The following SMC6 variants were observed in gnomAD, a reference collection of about 807,000 sequenced individuals.
The protein encoded by SMC6 is structural maintenance of chromosomes protein 6.
In SMC6, 79 loss-of-function variants were observed where a neutral mutation model predicts 142.2. The ratio of observed to expected loss-of-function variants is 0.56; its 90% CI spans 0.46 to 0.67. The LOEUF is 0.67. SMC6 is among the 30% of genes least tolerant of loss of function. The pLI is 0.00. For synonymous variants in SMC6, 411 were observed against 412.4 expected, an observed-to-expected ratio of 1.00 and a Z score of 0.04; for missense variants, 1,072 against 1,284.0, an observed-to-expected ratio of 0.83 and a Z score of 2.52.
intron 5 of SMC6, among the ~76,000 whole-genome samples, chr2:17,733,629 C>T (rs917466477): frequency 4.6e-5 from 7 of 152,278 alleles, no homozygotes; most frequent in Admixed American, 3.3e-4. Context: ...CAAATTAAGA[C>T]ATGATGAAGT....
At chr2:17,690,236 A>G (rs1479004742) in intron 23 of SMC6, among the ~76,000 whole-genome samples, 2 of 152,254 alleles carry the variant, frequency 1.3e-5, no homozygotes, top group Non-Finnish European at 2.9e-5. Context: ...CACTGAATAA[A>G]TTAACAATGA....
Position 17,725,852 on chromosome 2 carries a change from C to A in SMC6, c.625-494G>T, listed in dbSNP as rs76027619. Among the ~76,000 whole-genome samples the A allele has an allele frequency of 7.8e-3, 1,179 of 152,086 alleles. 16 individuals carry two copies. Among genetic ancestry groups the A allele is most frequent in the African/African-American group, 0.027 (1,113 of 41,462 alleles). Reference sequence around the variant, plus strand: ...CCGGTAATCCCAGCACTTTGGTAGGCCAAAGCAGGTGGATCACTTGAGGCC... The same window carrying A: ...CCGGTAATCCCAGCACTTTGGTAGGACAAAGCAGGTGGATCACTTGAGGCC... On this transcript the variant is annotated intron_variant, in intron 8 of 27. Coordinates refer to ENST00000448223, the MANE Select transcript of SMC6 (RefSeq NM_001142286.2).
At chr2:17,732,493 G>A (rs757689748) in intron 5 of SMC6, among the ~76,000 whole-genome samples, 6 of 152,120 alleles carry the variant, frequency 3.9e-5, no homozygotes, top group Non-Finnish European at 7.3e-5. Flanking sequence ...GAGGTCAGGA[G>A]TTCGACACCA....
chr2:17,751,807 G>T (rs918001423), intron 2 of SMC6, among the ~76,000 whole-genome samples: 3 of 152,138 alleles, frequency 2.0e-5, no homozygotes, highest in Admixed American at 1.3e-4. Context: ...AAGCTATCAC[G>T]GTAAAATTTT....
Position 17,708,701 on chromosome 2 carries a change from T to C in SMC6, c.1783A>G (p.Asn595Asp). The C allele has an allele frequency of 6.4e-7, 1 of 1,564,220 alleles. No individual in the cohort carries two copies. The change falls in exon 17 of 28, where the codon AAT becomes GAT. Residue 595 changes from asparagine to aspartate, a missense_variant. By Grantham distance (23) the Asn-to-Asp change is conservative (BLOSUM62 1). Around this residue, in one of 3 missense-constraint regions of SMC6, gnomAD observed 994 missense variants for 1,153.2 expected, o/e 0.86. Transcript: ENST00000448223. ...ATTAGGCTATTTGCCACAACCGCATTATCTATTTCTAAAGCTGTCAGAACT... is the reference window on the plus strand; with the variant it reads ...ATTAGGCTATTTGCCACAACCGCATCATCTATTTCTAAAGCTGTCAGAACT... ...PTVLTALEID[N>D]AVVANSLIDM...
intron 8 of SMC6, among the ~76,000 whole-genome samples, chr2:17,726,146 C>A (rs1669613030): frequency 7.6e-6 from 1 of 132,426 alleles, no homozygotes; most frequent in African/African-American, 2.9e-5. Context: ...GTAGGAGCAA[C>A]TGTTACCCTG....
At chr2:17,730,775 T>TA (rs1423817330) in intron 7 of SMC6, among the ~76,000 whole-genome samples, 72 of 151,480 alleles carry the variant, frequency 4.8e-4, no homozygotes, top group African/African-American at 1.3e-3. Flanking sequence ...GCTAATTTTT[T>TA]TTTTTTTTTT....
chr2:17,722,999 TAAAA>T lies in SMC6; in HGVS notation c.727-1742_727-1739del, dbSNP rs372729861. 2.2e-5 allele frequency among the ~76,000 whole-genome samples: 3 copies of T among 137,882 alleles called. No homozygotes were observed. The South Asian group carries it at 7.0e-4, about 32-fold the overall frequency. 90.5% of individuals were successfully genotyped at this position (137,882 alleles called of 152,430 possible). A position where few individuals can be genotyped will look rare whatever the true frequency, so the allele number is the denominator to read the frequency against. ...TGTTCAAAATATAATTCAGCTTTCT[TAAAA>T]AAAAAAAAAAGAAAAGAAAGGAAAA... On this transcript the variant is annotated intron_variant, in intron 9 of 27. Coordinates refer to ENST00000448223, the MANE Select transcript of SMC6 (RefSeq NM_001142286.2).
chr2:17,690,902 C>A (rs980766259), intron 23 of SMC6, among the ~76,000 whole-genome samples: 3 of 150,806 alleles, frequency 2.0e-5, no homozygotes, highest in Admixed American at 2.0e-4. Flanking sequence ...AATGGGAATG[C>A]AAAATTGGTA....
chr2:17,688,015 G>A (rs1340832426), intron 23 of SMC6, among the ~76,000 whole-genome samples: 1 of 151,994 alleles, frequency 6.6e-6, no homozygotes, highest in African/African-American at 2.4e-5. Flanking sequence ...AATTCCTCCT[G>A]TGGAGGAAAA....
chr2:17,729,953 C>T (rs1268916430), intron 7 of SMC6, among the ~76,000 whole-genome samples: 2 of 152,104 alleles, frequency 1.3e-5, no homozygotes, highest in Admixed American at 1.3e-4. Flanking sequence ...CTGTTCTAAA[C>T]CAAACTGGAA....
chr2:17,691,482 G>A (rs1213326389), intron 23 of SMC6, among the ~76,000 whole-genome samples: 1 of 151,456 alleles, frequency 6.6e-6, no homozygotes. Flanking sequence ...ACTCTCAATA[G>A]ACGCAGAAAA....
intron 3 of SMC6, among the ~76,000 whole-genome samples, chr2:17,744,306 C>T (rs1670626297): frequency 1.3e-5 from 2 of 152,030 alleles, no homozygotes; most frequent in African/African-American, 4.8e-5. Context: ...TAATTTGCAT[C>T]GTCCCAAAGT....
In SMC6 at chr2:17,741,606, A is replaced by G; in HGVS notation, c.238+6T>C. 1 of 1,578,184 alleles carries G rather than the reference A, an allele frequency of 6.3e-7. No individual in the cohort carries two copies. Among genetic ancestry groups the G allele is most frequent in the South Asian group, 1.1e-5 (1 of 87,142 alleles). On this transcript the variant is annotated splice_donor_region_variant and intron_variant, in intron 4 of 27. Transcript: ENST00000448223. The stretch of plus-strand genomic sequence containing the variant: ...AAAGTCAAACGAGAAGGGAAAAAAC[A>G]CTTACTTCCATTGTTGCCAACAACA...
At chr2:17,746,049 T>A in intron 2 of SMC6, 98 bp from the exon 3 acceptor site, 1 of 1,167,998 alleles carries the variant, frequency 8.6e-7, no homozygotes, top group Non-Finnish European at 1.1e-6. Context: ...CTTTAGGTAC[T>A]ATGTCCATCC....
intron 24 of SMC6, chr2:17,680,524 T>C (rs184325203): frequency 2.8e-4 from 43 of 152,306 alleles, no homozygotes; most frequent in African/African-American, 9.1e-4. Context: ...TCTTACAAAA[T>C]ATATTTCTCA....
At chr2:17,669,322 C>T (rs1666648110) in intron 26 of SMC6, among the ~76,000 whole-genome samples, 1 of 152,120 alleles carries the variant, frequency 6.6e-6, no homozygotes. Flanking sequence ...GGTAGTAGGG[C>T]ATCTGGGTCT....
chr2:17,682,861 A>G (rs1667293764), intron 24 of SMC6, among the ~76,000 whole-genome samples: 1 of 148,896 alleles, frequency 6.7e-6, no homozygotes, highest in African/African-American at 2.5e-5. Context: ...TAGTTTCACT[A>G]AGGAATATAA....
chr2:17,720,882 A>C, intron 11 of SMC6, 58 bp downstream of exon 11: 1 of 1,404,982 alleles, frequency 7.1e-7, no homozygotes, highest in Non-Finnish European at 1.0e-6. Flanking sequence ...AAATAGTCTA[A>C]TATCTGTAAT....
Sources: allele counts gnomAD v4.1 joint callset (sites outside exome capture counted in the v4.1 genomes callset), GRCh38; gene constraint gnomAD v4.1.1; regional missense constraint gnomAD v4.1.1; transcripts MANE v1.5; gene names NCBI Gene and HGNC (gene_info 2026-07-23, HGNC 2026-07-21).